KDM4C: variants seen among roughly 807,000 people sequenced by gnomAD.
KDM4C encodes the protein lysine demethylase 4C.
KDM4C carries 81 observed loss-of-function variants against 129.3 expected under a neutral mutation model. The ratio of observed to expected loss-of-function variants is 0.63; its 90% CI spans 0.52 to 0.75. The LOEUF is 0.75. KDM4C is among the 30% of genes least tolerant of loss of function. The probability of loss-of-function intolerance (pLI) is 0.00; values close to 1 mark genes in which losing one functional copy is unlikely to be tolerated. For synonymous variants in KDM4C, 573 were observed against 456.1 expected (o/e 1.26, Z -3.26); for missense variants, 1,457 against 1,304.0 (o/e 1.12, Z -1.81).
intron 4 of KDM4C, among the ~76,000 whole-genome samples, chr9:6,836,257 G>A (rs1028253334): frequency 6.6e-6 from 1 of 152,116 alleles, no homozygotes; most frequent in South Asian, 2.1e-4. Flanking sequence ...TTCAAGACCA[G>A]CCTGGCCAAC....
intron 19 of KDM4C, among the ~76,000 whole-genome samples, chr9:7,146,793 C>T (rs1842255810): frequency 6.6e-6 from 1 of 152,122 alleles, no homozygotes; most frequent in Non-Finnish European, 1.5e-5. Context: ...TGACGCTTGC[C>T]TGCCTACCCT....
chr9:6,883,255 A>C (rs373780030), intron 6 of KDM4C, among the ~76,000 whole-genome samples: 40 of 152,324 alleles, frequency 2.6e-4, no homozygotes, highest in East Asian at 5.8e-4. Flanking sequence ...TTATATTGAA[A>C]TGTCTAGTTT....
At chr9:7,174,483 C>A in intron 21 of KDM4C, 70 bp from the exon 22 acceptor site, 1 of 1,467,354 alleles carries the variant, frequency 6.8e-7, no homozygotes, top group South Asian at 1.2e-5. Context: ...CTGACCGAGT[C>A]AGATCTTTGT....
At chr9:7,136,162 T>G (rs773213764) in intron 19 of KDM4C, among the ~76,000 whole-genome samples, 4 of 152,228 alleles carry the variant, frequency 2.6e-5, no homozygotes, top group Admixed American at 6.5e-5. Flanking sequence ...TTTGCAATGT[T>G]TACTCCCTGT....
At chr9:6,754,880 TAA>T (rs58382779), upstream of KDM4C, among the ~76,000 whole-genome samples, 36 of 83,356 alleles carry the variant, frequency 4.3e-4, no homozygotes, top group Middle Eastern at 6.5e-3. Flanking sequence ...TGTCTCAAAG[TAA>T]AAAAAAAAAA....
intron 17 of KDM4C, 89 bp from the exon 18 acceptor site, chr9:7,103,596 C>CTTTTCTAGTAGCTATTG: frequency 2.8e-6 from 1 of 355,934 alleles, no homozygotes; most frequent in Non-Finnish European, 4.5e-6. Flanking sequence ...TTTTTTTTTT[C>CTTTTCTAGTAGCTATTG]TTCTCTAGTA....
intron 17 of KDM4C, among the ~76,000 whole-genome samples, chr9:7,090,502 T>TA (rs765094567): frequency 1.4e-4 from 21 of 151,274 alleles, no homozygotes; most frequent in Non-Finnish European, 2.4e-4. Context: ...GGGTTCTTGC[T>TA]AAAAAAAAAT....
At chr9:6,983,243 G>A (rs183916089) in intron 9 of KDM4C, among the ~76,000 whole-genome samples, 1 of 152,204 alleles carries the variant, frequency 6.6e-6, no homozygotes, top group East Asian at 1.9e-4. Flanking sequence ...GGTTTCTTGT[G>A]TGTGTATAAT....
intron 1 of KDM4C, among the ~76,000 whole-genome samples, chr9:6,743,398 A>G (rs558425520): frequency 1.5e-4 from 23 of 152,306 alleles, no homozygotes; most frequent in African/African-American, 5.5e-4. Context: ...TTAATGAGCA[A>G]CAAGGATTAT....
At chr9:6,889,248 T>G (rs1259346800) in intron 7 of KDM4C, among the ~76,000 whole-genome samples, 19 of 83,674 alleles carry the variant, frequency 2.3e-4, no homozygotes, top group Non-Finnish European at 3.6e-4. Flanking sequence ...TGTGTGTGTG[T>G]GTGGGAGGGT....
chr9:7,036,995 A>C (rs956065694), intron 15 of KDM4C, among the ~76,000 whole-genome samples: 5 of 152,212 alleles, frequency 3.3e-5, no homozygotes, highest in African/African-American at 1.2e-4. Context: ...TTGTCATTCA[A>C]TTATATAATC....
At chr9:7,132,761 A>T (rs2181557) in intron 19 of KDM4C, among the ~76,000 whole-genome samples, 5,834 of 152,178 alleles carry the variant, frequency 0.038, 368 homozygotes, top group African/African-American at 0.13. Context: ...ACCTGTTTAC[A>T]GTAGAGTGAT....
intron 2 of KDM4C, among the ~76,000 whole-genome samples, chr9:6,803,362 A>G (rs1364542756): frequency 6.6e-6 from 1 of 152,074 alleles, no homozygotes; most frequent in African/African-American, 2.4e-5. Context: ...CACGCTGTCA[A>G]GAGATCGAGA....
chr9:6,841,618 T>C (rs1836925096), intron 4 of KDM4C, among the ~76,000 whole-genome samples: 1 of 152,222 alleles, frequency 6.6e-6, no homozygotes, highest in Non-Finnish European at 1.5e-5. Flanking sequence ...GAAGAACATC[T>C]TCACGTTTTG....
In KDM4C at chr9:6,991,131, C is replaced by T. The variant is rs1371638319; in HGVS notation, c.1786+607C>T. 2.6e-5 allele frequency among the ~76,000 whole-genome samples: 4 copies of T among 152,036 alleles called. No homozygotes were observed. The South Asian group carries it at 8.3e-4, about 32-fold the overall frequency. On this transcript the variant is annotated intron_variant, in intron 12 of 21. Coordinates refer to ENST00000381309, the MANE Select transcript of KDM4C (RefSeq NM_015061.6). ...TCGCTCTGTTATTCATGCTGGAGTG[C>T]AGTGGAGGGTGATCACGGCTCACTG...
At chr9:7,089,536 C>T (rs1835542160) in intron 17 of KDM4C, among the ~76,000 whole-genome samples, 2 of 152,154 alleles carry the variant, frequency 1.3e-5, no homozygotes, top group Admixed American at 1.3e-4. Flanking sequence ...GTCATAACTT[C>T]ACTTCACTGC....
chr9:6,979,247 T>A (rs183321582), intron 8 of KDM4C, among the ~76,000 whole-genome samples: 1 of 152,216 alleles, frequency 6.6e-6, no homozygotes, highest in Non-Finnish European at 1.5e-5. Flanking sequence ...AAGATAATTA[T>A]GCAAGGTAAC....
chr9:6,940,530 A>C (rs1446774024), intron 8 of KDM4C, among the ~76,000 whole-genome samples: 1 of 152,218 alleles, frequency 6.6e-6, no homozygotes, highest in Non-Finnish European at 1.5e-5. Context: ...TAACAGTGCA[A>C]ATTGCTACTT....
rs186193663 is a variant in KDM4C, at chr9:7,137,435, C to T, written c.2781+9199C>T. Among the ~76,000 whole-genome samples the T allele has an allele frequency of 1.7e-4, 26 of 152,284 alleles. No homozygotes were observed. In the East Asian group the frequency reaches 2.5e-3, roughly 15 times the overall value. On this transcript the variant is annotated intron_variant, in intron 19 of 21. Transcript: ENST00000381309. Reference sequence around the variant, plus strand: ...TCACATCGTAATATCAGATTGTCACCATTCATTATTGACCCTTCGATTACT... The same window carrying T: ...TCACATCGTAATATCAGATTGTCACTATTCATTATTGACCCTTCGATTACT...
Sources: gnomAD v4.1 joint callset for allele counts (sites outside exome capture counted in the v4.1 genomes callset) on GRCh38, gnomAD v4.1.1 for gene constraint, MANE v1.5 for transcripts, NCBI Gene and HGNC (gene_info 2026-07-23, HGNC 2026-07-21) for gene names.